The following ADK variants were observed in gnomAD, a reference collection of about 807,000 sequenced individuals.
ADK encodes N6,N6-dimethyladenosine kinase.
In ADK, 24 loss-of-function variants were observed where a neutral mutation model predicts 44.7. The ratio of observed to expected loss-of-function variants is 0.54; its 90% confidence interval spans 0.39 to 0.76. The LOEUF (loss-of-function observed/expected upper bound fraction) is 0.76, where lower values mean the gene tolerates loss of function less well. Ranked by LOEUF, ADK falls within the 30% of genes least tolerant of loss-of-function variation. The pLI is 0.00. For missense variants in ADK, 321 were observed against 425.1 expected (o/e 0.76, Z 2.15); for synonymous variants, 128 against 142.6 (o/e 0.90, Z 0.73).
chr10:74,522,736 A>G (rs1848887279), intron 6 of ADK, among the ~76,000 whole-genome samples: 1 of 152,092 alleles, frequency 6.6e-6, no homozygotes, highest in Non-Finnish European at 1.5e-5. Context: ...GTAACTTTTA[A>G]CAGAAGTTTC....
intron 9 of ADK, among the ~76,000 whole-genome samples, chr10:74,622,289 G>C (rs541583115): frequency 6.6e-6 from 1 of 151,976 alleles, no homozygotes; most frequent in South Asian, 2.1e-4. Context: ...CCTCTTACCC[G>C]ACACAGGAAT....
chr10:74,513,982 T>C (rs1040391629), intron 6 of ADK, among the ~76,000 whole-genome samples: 3 of 152,198 alleles, frequency 2.0e-5, no homozygotes, highest in African/African-American at 7.2e-5. Context: ...CCTTGAGCAT[T>C]TCTTGCAAGG....
At position 74,620,015 on chromosome 10, in the gene ADK, C is replaced by T. The variant is rs140879099; in HGVS notation, c.877+19522C>T. ...GGGATTATGGGCGTGAGCCACAACA[C>T]CCTGCCCATCGTGATGTTTTGATAC... On this transcript the variant is annotated intron_variant, in intron 9 of 10. Coordinates refer to ENST00000539909, the MANE Select transcript of ADK (RefSeq NM_006721.4). Among the ~76,000 whole-genome samples, 1,093 of 152,286 alleles carry T rather than the reference C, an allele frequency of 7.2e-3. 9 individuals are homozygous for T. The highest frequency in any genetic ancestry group is 0.025 in the African/African-American group (1,054 of 41,520).
At chr10:74,595,409 T>TCACG in intron 8 of ADK, among the ~76,000 whole-genome samples, 2 of 20 alleles carry the variant, frequency 0.1, 1 homozygote, top group Middle Eastern at 1. Context: ...GGGGTTTGGC[T>TCACG]TTGTCACGCC....
At chr10:74,372,356 G>T in intron 4 of ADK, 1 of 743,956 alleles carries the variant, frequency 1.3e-6, no homozygotes, top group Non-Finnish European at 2.5e-6. Flanking sequence ...CGGAAGGCTG[G>T]TCCACAGCTC....
At chr10:74,547,109 G>A (rs1466957293) in intron 7 of ADK, among the ~76,000 whole-genome samples, 1 of 151,958 alleles carries the variant, frequency 6.6e-6, no homozygotes, top group African/African-American at 2.4e-5. Flanking sequence ...AGAATTATAA[G>A]AAGAGTACAG....
At chr10:74,369,164 C>G (rs1842584270) in intron 4 of ADK, among the ~76,000 whole-genome samples, 1 of 152,020 alleles carries the variant, frequency 6.6e-6, no homozygotes, top group Non-Finnish European at 1.5e-5. Context: ...CAAGACCAGC[C>G]AAGACAACAT....
intron 4 of ADK, among the ~76,000 whole-genome samples, chr10:74,380,480 G>A (rs1054860571): frequency 1.3e-5 from 2 of 151,954 alleles, no homozygotes; most frequent in East Asian, 1.9e-4. Context: ...GTTCTTCTCC[G>A]GGCGCAGTGG....
At chr10:74,440,119 C>G (rs1261292695) in intron 6 of ADK, among the ~76,000 whole-genome samples, 1 of 152,042 alleles carries the variant, frequency 6.6e-6, no homozygotes, top group Non-Finnish European at 1.5e-5. Context: ...GGCATTTAGA[C>G]TAATCCTAGT....
chr10:74,216,660 G>A lies in ADK; in HGVS notation c.141-7878G>A, dbSNP rs149509907. ...GAATTGCTTGAACCCAGCAGGCAGA[G>A]GTTGCGGTGAGCCACAATCATGCCA... On this transcript the variant is annotated intron_variant, in intron 2 of 10. Coordinates refer to ENST00000539909, the MANE Select transcript of ADK (RefSeq NM_006721.4). 2.1e-3 allele frequency among the ~76,000 whole-genome samples: 325 copies of A among 151,424 alleles called. 2 individuals carry two copies. The highest frequency in any genetic ancestry group is 7.5e-3 in the African/African-American group (307 of 41,088).
At chr10:74,410,069 A>G (rs930556997) in intron 6 of ADK, among the ~76,000 whole-genome samples, 1 of 152,158 alleles carries the variant, frequency 6.6e-6, no homozygotes, top group African/African-American at 2.4e-5. Flanking sequence ...TTGAAATTTT[A>G]CGTGTCAGTA....
chr10:74,507,620 A>C (rs767215078), intron 6 of ADK, among the ~76,000 whole-genome samples: 10 of 152,136 alleles, frequency 6.6e-5, no homozygotes, highest in Non-Finnish European at 1.5e-4. Flanking sequence ...TCAAAAAAAA[A>C]CAAAAAAACA....
chr10:74,640,027 A>G (rs1198569215), intron 9 of ADK, among the ~76,000 whole-genome samples: 1 of 152,216 alleles, frequency 6.6e-6, no homozygotes, highest in Non-Finnish European at 1.5e-5. Context: ...ATATACATTC[A>G]GCAACCCTAA....
At chr10:74,410,851 A>T (rs1405372423) in intron 6 of ADK, among the ~76,000 whole-genome samples, 1 of 152,210 alleles carries the variant, frequency 6.6e-6, no homozygotes, top group Non-Finnish European at 1.5e-5. Context: ...TGTGAATGAC[A>T]GTTGATTAAA....
intron 6 of ADK, among the ~76,000 whole-genome samples, chr10:74,442,291 G>C (rs1018387149): frequency 6.6e-6 from 1 of 150,432 alleles, no homozygotes; most frequent in Non-Finnish European, 1.5e-5. Flanking sequence ...AAAACAATAC[G>C]AAAGTTCCTT....
chr10:74,231,371 C>T (rs1328785858), intron 3 of ADK, among the ~76,000 whole-genome samples: 1 of 152,144 alleles, frequency 6.6e-6, no homozygotes, highest in Non-Finnish European at 1.5e-5. Flanking sequence ...ATCATTGGAG[C>T]CCTTTTCTCT....
chr10:74,612,123 G>C (rs191532033), intron 9 of ADK, among the ~76,000 whole-genome samples: 6 of 151,914 alleles, frequency 3.9e-5, no homozygotes, highest in African/African-American at 1.5e-4. Flanking sequence ...CTGTATCCTC[G>C]CCAATGTGTA....
At chr10:74,549,679 C>T (rs938202744) in intron 7 of ADK, among the ~76,000 whole-genome samples, 31 of 152,102 alleles carry the variant, frequency 2.0e-4, no homozygotes, top group East Asian at 3.9e-4. Flanking sequence ...TCAAGTGATC[C>T]GCCTACCTCG....
At chr10:74,430,639 A>G (rs192138231) in intron 6 of ADK, among the ~76,000 whole-genome samples, 35 of 152,254 alleles carry the variant, frequency 2.3e-4, no homozygotes, top group Middle Eastern at 3.4e-3. Flanking sequence ...AATTTTCATT[A>G]CTTTAGACTG....
Sources: allele counts gnomAD v4.1 joint callset (sites outside exome capture counted in the v4.1 genomes callset), GRCh38; gene constraint gnomAD v4.1.1; transcripts MANE v1.5; gene names NCBI Gene and HGNC (gene_info 2026-07-23, HGNC 2026-07-21).